Variants in ITPR1 observed in about 807,000 individuals in gnomAD.
The protein encoded by ITPR1 is inositol 1,4,5-trisphosphate receptor type 1, also known as inositol 1,4,5-trisphosphate-gated calcium channel ITPR1.
ITPR1 carries 96 observed loss-of-function variants against 318.4 expected under a neutral mutation model. That is an observed-to-expected ratio of 0.30 (90% confidence interval 0.26 to 0.36). ITPR1 has a LOEUF of 0.36. Ranked by LOEUF, ITPR1 falls within the 10% of genes least tolerant of loss-of-function variation. ITPR1 has a pLI of 1.00. For synonymous variants in ITPR1, 1,312 were observed against 1,289.9 expected, an observed-to-expected ratio of 1.02 and a Z score of -0.37; for missense variants, 2,440 against 3,460.2, an observed-to-expected ratio of 0.71 and a Z score of 7.40.
chr3:4,544,990 C>G (rs1158936894), intron 4 of ITPR1, among the ~76,000 whole-genome samples: 1 of 151,920 alleles, frequency 6.6e-6, no homozygotes, highest in Non-Finnish European at 1.5e-5. Context: ...TAGATGGAGT[C>G]TCCCTATGTT....
chr3:4,525,659 A>G (rs897861023), intron 4 of ITPR1, among the ~76,000 whole-genome samples: 1 of 152,170 alleles, frequency 6.6e-6, no homozygotes, highest in Non-Finnish European at 1.5e-5. Context: ...ATATGGTACC[A>G]TTTTAAAGCC....
At chr3:4,627,959 G>T in intron 5 of ITPR1, 81 bp downstream of exon 5, 2 of 803,154 alleles carry the variant, frequency 2.5e-6, no homozygotes, top group East Asian at 5.2e-5. Flanking sequence ...GTGGGAGACT[G>T]CTTATGCAAC....
At chr3:4,728,270 G>T (rs2042664097) in intron 42 of ITPR1, among the ~76,000 whole-genome samples, 1 of 152,136 alleles carries the variant, frequency 6.6e-6, no homozygotes, top group Non-Finnish European at 1.5e-5. Flanking sequence ...TTTTCATGTT[G>T]CCCATTTTTG....
intron 4 of ITPR1, among the ~76,000 whole-genome samples, chr3:4,626,150 T>C (rs1417682633): frequency 6.7e-6 from 1 of 149,432 alleles, no homozygotes; most frequent in Non-Finnish European, 1.5e-5. Context: ...CCTATCTCTT[T>C]AAAAAAAAAA....
chr3:4,570,558 A>C (rs1035460514), intron 4 of ITPR1, among the ~76,000 whole-genome samples: 1 of 152,250 alleles, frequency 6.6e-6, no homozygotes, highest in Non-Finnish European at 1.5e-5. Flanking sequence ...GAATAGGAGA[A>C]TCTGAATGCC....
intron 4 of ITPR1, among the ~76,000 whole-genome samples, chr3:4,589,791 A>G (rs1349581776): frequency 2.0e-5 from 3 of 152,040 alleles, no homozygotes; most frequent in African/African-American, 7.3e-5. Flanking sequence ...AACGAACAAA[A>G]CAAAACCTCA....
At chr3:4,613,274 A>G (rs1196420222) in intron 4 of ITPR1, among the ~76,000 whole-genome samples, 2 of 152,102 alleles carry the variant, frequency 1.3e-5, no homozygotes, top group South Asian at 4.1e-4. Context: ...GTGAATCTGT[A>G]TTTTTACATA....
intron 4 of ITPR1, among the ~76,000 whole-genome samples, chr3:4,546,309 C>T (rs2084992225): frequency 6.6e-6 from 1 of 152,144 alleles, no homozygotes; most frequent in African/African-American, 2.4e-5. Flanking sequence ...GGTGTGAGCA[C>T]TCGAACCTGT....
intron 26 of ITPR1, 140 bp from the exon 27 acceptor site, chr3:4,683,246 G>A: frequency 1.3e-6 from 1 of 774,138 alleles, no homozygotes. Context: ...TATTGTTAAA[G>A]GAGCTAATGA....
In ITPR1 at chr3:4,680,075, G is replaced by T. The variant is rs139489132; in HGVS notation, c.2968-478G>T. Among the ~76,000 whole-genome samples, 258 of 152,324 alleles carry T rather than the reference G, an allele frequency of 1.7e-3. 1 individual carries two copies. Among genetic ancestry groups the T allele is most frequent in the African/African-American group, 5.8e-3 (241 of 41,558 alleles). On this transcript the variant is annotated intron_variant, in intron 24 of 61. Coordinates refer to ENST00000649015, the MANE Select transcript of ITPR1 (RefSeq NM_001378452.1). Reference sequence around the variant, plus strand: ...AGGCAAAAGAAGAGGGTGTCCAAGGGTTTGTACCCAAACCAGGGGAAACAA... The same window carrying T: ...AGGCAAAAGAAGAGGGTGTCCAAGGTTTTGTACCCAAACCAGGGGAAACAA...
At position 4,685,124 on chromosome 3, in the gene ITPR1, G is replaced by A. The variant is rs1574851905; in HGVS notation, c.3620G>A (p.Ser1207Asn). ...CVQESASVRK[S>N]RKQQQRLLRN... ...CAAGAGAGTGCCTCAGTGAGAAAGAGCAGGAAGCAGCAACAGCGTCTGCTC... is the reference window on the plus strand; with the variant it reads ...CAAGAGAGTGCCTCAGTGAGAAAGAACAGGAAGCAGCAACAGCGTCTGCTC... The change falls in exon 30 of 62, where the codon AGC (serine) becomes AAC (asparagine). Residue 1207 changes from serine to asparagine, a missense_variant. Transcript: ENST00000649015. 1.9e-6 allele frequency: 3 copies of A among 1,610,718 alleles called. No individual in the cohort carries two copies. The highest frequency in any genetic ancestry group is 2.5e-6 in the Non-Finnish European group (3 of 1,178,826).
At chr3:4,831,067 A>G (rs2050449596) in intron 60 of ITPR1, 1 of 455,532 alleles carries the variant, frequency 2.2e-6, no homozygotes, top group Non-Finnish European at 4.4e-6. Context: ...TCGCATTTGC[A>G]TCATACAATC....
In ITPR1 at chr3:4,516,592, A is replaced by G. The variant is rs760334522; in HGVS notation, c.92+9A>G. 3.2e-6 allele frequency: 5 copies of G among 1,556,548 alleles called. No homozygotes were observed. Among genetic ancestry groups the G allele is most frequent in the Admixed American group, 3.5e-5 (2 of 57,780 alleles). On this transcript the variant is annotated intron_variant, in intron 3 of 61. Coordinates refer to ENST00000649015, the MANE Select transcript of ITPR1 (RefSeq NM_001378452.1). ...TTTATTAGCACCTTGGGGTAAGAGCATGCAATTTCTTGTGTGGCACGGTTT... is the reference window on the plus strand; with the variant it reads ...TTTATTAGCACCTTGGGGTAAGAGCGTGCAATTTCTTGTGTGGCACGGTTT...
At chr3:4,688,919 A>G (rs564650588) in intron 31 of ITPR1, among the ~76,000 whole-genome samples, 6 of 152,346 alleles carry the variant, frequency 3.9e-5, no homozygotes, top group African/African-American at 1.4e-4. Flanking sequence ...TAGAAGTGCT[A>G]AATGTCTCTC....
At chr3:4,619,545 C>T (rs985728047) in intron 4 of ITPR1, among the ~76,000 whole-genome samples, 17 of 144,390 alleles carry the variant, frequency 1.2e-4, no homozygotes, top group African/African-American at 3.4e-4. Flanking sequence ...CCCCTTCTGC[C>T]GCCCTTTCCC....
chr3:4,545,981 CAT>C (rs1366463691), intron 4 of ITPR1, among the ~76,000 whole-genome samples: 1 of 152,060 alleles, frequency 6.6e-6, no homozygotes, highest in Non-Finnish European at 1.5e-5. Context: ...ACAGGCGTGA[CAT>C]GTGATCTTGA....
intron 44 of ITPR1, among the ~76,000 whole-genome samples, chr3:4,765,269 G>A (rs1361644699): frequency 6.6e-6 from 1 of 152,156 alleles, no homozygotes; most frequent in Non-Finnish European, 1.5e-5. Flanking sequence ...AGGATGGATG[G>A]ATCCTGAGCT....
intron 4 of ITPR1, among the ~76,000 whole-genome samples, chr3:4,567,610 TTG>T (rs1491018601): frequency 1.3e-4 from 18 of 141,122 alleles, no homozygotes; most frequent in Admixed American, 2.2e-4. Context: ...CTAGTTTTTT[TTG>T]GTTTCTTTTT....
At chr3:4,718,732 A>G (rs2041940455) in intron 40 of ITPR1, among the ~76,000 whole-genome samples, 1 of 152,210 alleles carries the variant, frequency 6.6e-6, no homozygotes, top group African/African-American at 2.4e-5. Context: ...TGGGAAGACT[A>G]GAAGGTGAGA....
Sources: gnomAD v4.1 joint callset for allele counts (sites outside exome capture counted in the v4.1 genomes callset) on GRCh38, gnomAD v4.1.1 for gene constraint, MANE v1.5 for transcripts, NCBI Gene and HGNC (gene_info 2026-07-23, HGNC 2026-07-21) for gene names.